Variants in GMDS observed in about 807,000 individuals in gnomAD.
The protein encoded by GMDS is GDP-mannose 4,6 dehydratase.
In GMDS, 20 loss-of-function variants were observed where a neutral mutation model predicts 49.9. That is an observed-to-expected ratio of 0.40 (90% CI 0.28 to 0.58). GMDS has a LOEUF of 0.58. GMDS is among the 20% of genes least tolerant of loss of function. The probability of loss-of-function intolerance (pLI) is 0.42; values close to 1 mark genes in which losing one functional copy is unlikely to be tolerated. For synonymous variants in GMDS, 177 were observed against 178.6 expected (o/e 0.99, Z 0.07); for missense variants, 362 against 481.4 (o/e 0.75, Z 2.32).
intron 1 of GMDS, among the ~76,000 whole-genome samples, chr6:2,158,088 A>G (rs1220521709): frequency 1.3e-5 from 2 of 152,338 alleles, no homozygotes; most frequent in Middle Eastern, 3.4e-3. Context: ...CCATTCTTTC[A>G]TGTTCAACTC....
At position 2,068,787 on chromosome 6, in the gene GMDS, A is replaced by G. The variant is rs529138385; in HGVS notation, c.345+46984T>C. On this transcript the variant is annotated intron_variant, in intron 4 of 10. Coordinates refer to ENST00000380815, the MANE Select transcript of GMDS (RefSeq NM_001500.4). ...AAAGAGGATACAAACAAATGGAAGA[A>G]CATTCCATGCTCATGGGTAGGAAGA... 4.8e-3 allele frequency among the ~76,000 whole-genome samples: 731 copies of G among 152,314 alleles called. 4 individuals carry two copies. Among genetic ancestry groups the G allele is most frequent in the African/African-American group, 0.016 (679 of 41,566 alleles).
At chr6:2,187,193 GT>G (rs898800932) in intron 1 of GMDS, among the ~76,000 whole-genome samples, 28 of 152,194 alleles carry the variant, frequency 1.8e-4, no homozygotes, top group Admixed American at 2.6e-4. Flanking sequence ...TCAGGCTGGT[GT>G]GCAGGTAAAG....
intron 4 of GMDS, among the ~76,000 whole-genome samples, chr6:2,065,813 A>C (rs1756066165): frequency 1.3e-5 from 2 of 152,346 alleles, no homozygotes; most frequent in South Asian, 2.1e-4. Context: ...CCTGAAAGTC[A>C]CGGGGAGAAT....
chr6:2,162,371 C>T (rs923497906), intron 1 of GMDS, among the ~76,000 whole-genome samples: 2 of 152,052 alleles, frequency 1.3e-5, no homozygotes, highest in Middle Eastern at 3.2e-3. Context: ...CCATGGAACA[C>T]CAGGGTTCCA....
chr6:2,046,300 T>C (rs1770010116), intron 4 of GMDS, among the ~76,000 whole-genome samples: 1 of 152,206 alleles, frequency 6.6e-6, no homozygotes. Flanking sequence ...AGCTGACAGA[T>C]TTCTGAAAGC....
At position 1,945,239 on chromosome 6, in the gene GMDS, C is replaced by A. The variant is rs75592244; in HGVS notation, c.643+14628G>T. Among the ~76,000 whole-genome samples, 491 of 152,046 alleles carry A rather than the reference C, an allele frequency of 3.2e-3. 5 individuals carry two copies. Among genetic ancestry groups the A allele is most frequent in the Middle Eastern group, 0.014 (4 of 294 alleles). On this transcript the variant is annotated intron_variant, in intron 6 of 10. Transcript: ENST00000380815. ...CTTAGCCTCTCTGCTTGAATCATAT[C>A]TATAACTTTTTGAGGTTCTTTATAA...
intron 1 of GMDS, among the ~76,000 whole-genome samples, chr6:2,223,099 AAATCAATC>A (rs150773580): frequency 1.9e-4 from 28 of 151,290 alleles, no homozygotes; most frequent in South Asian, 4.2e-4. Context: ...CAATTCCTTC[AAATCAATC>A]AATCAATCAA....
chr6:2,060,734 AAAAG>A, intron 4 of GMDS, among the ~76,000 whole-genome samples: 1 of 152,326 alleles, frequency 6.6e-6, no homozygotes, highest in African/African-American at 2.4e-5. Flanking sequence ...GAGGTGACCA[AAAAG>A]AAAGAAGGGG....
At position 2,095,932 on chromosome 6, in the gene GMDS, T is replaced by A. The variant is rs1279774200; in HGVS notation, c.345+19839A>T. 2.6e-5 allele frequency among the ~76,000 whole-genome samples: 4 copies of A among 152,198 alleles called. No individual in the cohort carries two copies. The East Asian group carries it at 7.7e-4, about 29-fold the overall frequency. On this transcript the variant is annotated intron_variant, in intron 4 of 10. Coordinates refer to ENST00000380815, the MANE Select transcript of GMDS (RefSeq NM_001500.4). ...GGTTTGACCTCAATGAAATTTAAGA[T>A]TTACGTTCTGTGAAGGACATCACAG... is the stretch of plus-strand genomic sequence containing the variant.
At chr6:2,113,912 A>C (rs953464486) in intron 4 of GMDS, among the ~76,000 whole-genome samples, 1 of 152,216 alleles carries the variant, frequency 6.6e-6, no homozygotes, top group African/African-American at 2.4e-5. Flanking sequence ...TAAGAAAAGC[A>C]GCCAAAATAC....
intron 7 of GMDS, among the ~76,000 whole-genome samples, chr6:1,915,770 T>C (rs1160856413): frequency 6.6e-6 from 1 of 152,210 alleles, no homozygotes; most frequent in East Asian, 1.9e-4. Flanking sequence ...AATATGAGAA[T>C]AGCACGTATC....
intron 9 of GMDS, among the ~76,000 whole-genome samples, chr6:1,677,285 T>TCTGGAGAGGATGTG (rs938943744): frequency 6.6e-6 from 1 of 151,966 alleles, no homozygotes; most frequent in Non-Finnish European, 1.5e-5. Flanking sequence ...AAACAACAGG[T>TCTGGAGAGGATGTG]CTGGAGAGGA....
chr6:1,751,546 T>G (rs1042037629), intron 7 of GMDS, among the ~76,000 whole-genome samples: 6 of 152,160 alleles, frequency 3.9e-5, no homozygotes, highest in African/African-American at 1.4e-4. Flanking sequence ...CAGGCTAGAG[T>G]GCAATGGCGT....
chr6:1,804,348 G>A (rs1014266208), intron 7 of GMDS, among the ~76,000 whole-genome samples: 5 of 152,262 alleles, frequency 3.3e-5, no homozygotes, highest in Non-Finnish European at 7.3e-5. Flanking sequence ...CCGTCAGTCT[G>A]AACTCACGGC....
intron 4 of GMDS, among the ~76,000 whole-genome samples, chr6:2,023,377 ACTGTT>A (rs1166097945): frequency 6.6e-6 from 1 of 152,210 alleles, no homozygotes; most frequent in Non-Finnish European, 1.5e-5. Flanking sequence ...GGTTGGATAA[ACTGTT>A]CTGTGCCACA....
intron 7 of GMDS, among the ~76,000 whole-genome samples, chr6:1,849,146 C>T (rs941976588): frequency 6.6e-6 from 1 of 152,232 alleles, no homozygotes; most frequent in Non-Finnish European, 1.5e-5. Context: ...AAGTTTCTTT[C>T]TTCCTGTGAT....
At chr6:2,103,563 G>A (rs1367662991) in intron 4 of GMDS, among the ~76,000 whole-genome samples, 5 of 152,062 alleles carry the variant, frequency 3.3e-5, no homozygotes, top group South Asian at 2.1e-4. Flanking sequence ...CCCTTATTTC[G>A]TTTATAATTA....
At chr6:1,684,690 G>A (rs1581455724) in intron 9 of GMDS, among the ~76,000 whole-genome samples, 1 of 152,196 alleles carries the variant, frequency 6.6e-6, no homozygotes, top group African/African-American at 2.4e-5. Flanking sequence ...AGCAGGAGGA[G>A]CGAGCTTTTT....
intron 9 of GMDS, among the ~76,000 whole-genome samples, chr6:1,710,005 C>G (rs1765889370): frequency 6.6e-6 from 1 of 152,180 alleles, no homozygotes; most frequent in African/African-American, 2.4e-5. Context: ...TATATATAAA[C>G]CGATAACATA....
Sources: gnomAD v4.1 joint callset for allele counts (sites outside exome capture counted in the v4.1 genomes callset) on GRCh38, gnomAD v4.1.1 for gene constraint, MANE v1.5 for transcripts, NCBI Gene and HGNC (gene_info 2026-07-23, HGNC 2026-07-21) for gene names.